Variants in SRPK1 observed in about 807,000 individuals in gnomAD.
The protein encoded by SRPK1 is SRSF protein kinase 1.
In SRPK1, 52 loss-of-function variants were observed where a neutral mutation model predicts 89.5. That is an observed-to-expected ratio of 0.58 (90% CI 0.46 to 0.73). SRPK1 has a LOEUF of 0.73. Ranked by LOEUF, SRPK1 falls within the 30% of genes least tolerant of loss-of-function variation. The pLI, the probability that SRPK1 is intolerant of heterozygous loss-of-function variation, is 0.00. For missense variants in SRPK1, 603 were observed against 780.6 expected, an observed-to-expected ratio of 0.77 and a Z score of 2.71; for synonymous variants, 255 against 270.2, an observed-to-expected ratio of 0.94 and a Z score of 0.55.
At chr6:35,918,049 G>A (rs1360020258) in intron 2 of SRPK1, among the ~76,000 whole-genome samples, 1 of 152,198 alleles carries the variant, frequency 6.6e-6, no homozygotes, top group Non-Finnish European at 1.5e-5. Context: ...GTCATCAGGA[G>A]TGCAGTCAGA....
chr6:35,893,989 C>T (rs1021256066), intron 2 of SRPK1, among the ~76,000 whole-genome samples: 8 of 151,458 alleles, frequency 5.3e-5, no homozygotes, highest in South Asian at 2.1e-4. Flanking sequence ...CCAGCCTGGG[C>T]GACAGAGCGA....
chr6:35,882,161 T>TAGTAGTAGTAGTAGTAGTAGC (rs1480474645), intron 6 of SRPK1, among the ~76,000 whole-genome samples: 2 of 118,392 alleles, frequency 1.7e-5, no homozygotes, highest in African/African-American at 3.0e-5. Flanking sequence ...GTAGTAGTAG[T>TAGTAGTAGTAGTAGTAGTAGC]AGCAGCAGCA....
chr6:35,833,900 G>A lies in SRPK1; in HGVS notation c.*1404C>T, dbSNP rs1417229380. The A allele has an allele frequency of 6.6e-6, 1 of 152,282 alleles. No homozygotes were observed. The highest frequency in any genetic ancestry group is 2.4e-5 in the African/African-American group (1 of 41,412). 9.4% of individuals were successfully genotyped at this position (152,282 alleles called of 1,614,324 possible). A position where few individuals can be genotyped will look rare whatever the true frequency, so the allele number is the denominator to read the frequency against. ...CGCTGCAATCCCCAAGGCCCACTTG[G>A]TCCATGCTGAAGAAGCGGCTGTGAC... On this transcript the variant is annotated 3_prime_UTR_variant, in exon 16 of 16. Transcript: ENST00000373825.
At chr6:35,843,529 C>T (rs1432412793) in intron 13 of SRPK1, among the ~76,000 whole-genome samples, 1 of 151,870 alleles carries the variant, frequency 6.6e-6, no homozygotes, top group Non-Finnish European at 1.5e-5. Context: ...CAGCTCACTG[C>T]AACTTCTGCC....
intron 7 of SRPK1, among the ~76,000 whole-genome samples, chr6:35,873,682 G>T (rs1457503860): frequency 1.3e-5 from 2 of 151,848 alleles, no homozygotes; most frequent in Admixed American, 6.6e-5. Flanking sequence ...TAGAGACGGG[G>T]TTTCGCACTG....
At chr6:35,853,737 G>A (rs9470139) in intron 13 of SRPK1, among the ~76,000 whole-genome samples, 47,913 of 151,990 alleles carry the variant, frequency 0.32, 7,791 homozygotes, top group South Asian at 0.42. Context: ...AATCACTTCA[G>A]AAGAGGAATT....
intron 13 of SRPK1, among the ~76,000 whole-genome samples, chr6:35,848,102 T>C (rs1481077248): frequency 6.6e-6 from 1 of 152,158 alleles, no homozygotes; most frequent in Non-Finnish European, 1.5e-5. Context: ...TGCCCGGCCT[T>C]ACTATTGTTA....
intron 12 of SRPK1, among the ~76,000 whole-genome samples, chr6:35,865,894 G>C (rs1395618449): frequency 6.6e-6 from 1 of 151,838 alleles, no homozygotes; most frequent in African/African-American, 2.4e-5. Flanking sequence ...AAAAGCTTCT[G>C]CACAGCAAAA....
chr6:35,871,530 G>A (rs1025601879), intron 8 of SRPK1, among the ~76,000 whole-genome samples: 8 of 152,122 alleles, frequency 5.3e-5, no homozygotes, highest in African/African-American at 1.9e-4. Context: ...TTGTATAACA[G>A]GATCTGTAGA....
chr6:35,852,377 T>C (rs993777490), intron 13 of SRPK1, among the ~76,000 whole-genome samples: 28 of 152,236 alleles, frequency 1.8e-4, no homozygotes, highest in African/African-American at 6.3e-4. Context: ...GATGAGATTA[T>C]ACTCTGTTTT....
At chr6:35,842,193 G>A (rs1013184122) in intron 14 of SRPK1, among the ~76,000 whole-genome samples, 1 of 152,072 alleles carries the variant, frequency 6.6e-6, no homozygotes, top group Non-Finnish European at 1.5e-5. Flanking sequence ...AAATTTGGAG[G>A]CATAATTGAG....
intron 13 of SRPK1, among the ~76,000 whole-genome samples, chr6:35,854,775 T>C (rs1017282719): frequency 6.6e-5 from 10 of 152,194 alleles, no homozygotes; most frequent in African/African-American, 2.4e-4. Context: ...AACTACATCT[T>C]AGCAAATCCA....
chr6:35,869,213 C>T, intron 11 of SRPK1, 103 bp from the exon 12 acceptor site: 4 of 993,178 alleles, frequency 4.0e-6, no homozygotes, highest in Middle Eastern at 2.1e-4. Context: ...CAGCAATACC[C>T]AAGTGACAAC....
In SRPK1 at chr6:35,891,143, G is replaced by A; in HGVS notation, c.75-130C>T. 3.7e-6 allele frequency: 4 copies of A among 1,066,920 alleles called. No homozygotes were observed. In the South Asian group the frequency reaches 8.6e-5, roughly 23 times the overall value. The allele number at this position is 1,066,920 out of a possible 1,614,324, so 66.1% of individuals were successfully genotyped here. On this transcript the variant is annotated intron_variant, in intron 2 of 15. Coordinates refer to ENST00000373825, the MANE Select transcript of SRPK1 (RefSeq NM_003137.5). ...CAGAGTATTACCAAGTGGCAGCCTAGGAAAATATTAGCTGTAGTTTTACCT... is the reference window on the plus strand; with the variant it reads ...CAGAGTATTACCAAGTGGCAGCCTAAGAAAATATTAGCTGTAGTTTTACCT...
At chr6:35,894,936 G>A (rs1770598685) in intron 2 of SRPK1, among the ~76,000 whole-genome samples, 1 of 152,092 alleles carries the variant, frequency 6.6e-6, no homozygotes, top group Admixed American at 6.6e-5. Context: ...AAAAACAGAA[G>A]AGCCAAAAAG....
chr6:35,885,298 C>CACACAGAGAGAGAGAGAGAG (rs1276672274), intron 6 of SRPK1, among the ~76,000 whole-genome samples: 1 of 113,114 alleles, frequency 8.8e-6, no homozygotes, highest in African/African-American at 3.6e-5. Flanking sequence ...CACACACACA[C>CACACAGAGAGAGAGAGAGAG]AGAGAGAGAG....
chr6:35,887,257 G>A (rs974436113), intron 5 of SRPK1, among the ~76,000 whole-genome samples: 15 of 151,936 alleles, frequency 9.9e-5, no homozygotes, highest in Admixed American at 3.3e-4. Context: ...TGTCACAAAC[G>A]GACATTCTGA....
At chr6:35,877,770 G>A (rs372279944) in intron 6 of SRPK1, among the ~76,000 whole-genome samples, 1 of 151,782 alleles carries the variant, frequency 6.6e-6, no homozygotes, top group African/African-American at 2.4e-5. Context: ...TTGAACCCAG[G>A]AGGCGGAGGT....
intron 13 of SRPK1, among the ~76,000 whole-genome samples, chr6:35,850,935 A>G (rs1173853409): frequency 6.6e-6 from 1 of 152,216 alleles, no homozygotes; most frequent in African/African-American, 2.4e-5. Flanking sequence ...GCTTCACAAG[A>G]CTAGGGAAAG....
Sources: allele counts gnomAD v4.1 joint callset (sites outside exome capture counted in the v4.1 genomes callset), GRCh38; gene constraint gnomAD v4.1.1; transcripts MANE v1.5; gene names NCBI Gene and HGNC (gene_info 2026-07-23, HGNC 2026-07-21).